The following CREB5 variants were observed in gnomAD, a reference collection of about 807,000 sequenced individuals.
The protein encoded by CREB5 is cAMP responsive element binding protein 5.
A neutral mutation model predicts 57.1 loss-of-function variants in CREB5; 19 were observed. That is an observed-to-expected ratio of 0.33 (90% confidence interval 0.23 to 0.49). The LOEUF is 0.49. CREB5 is among the 20% of genes least tolerant of loss of function. The probability of loss-of-function intolerance (pLI) is 0.99; values close to 1 mark genes in which losing one functional copy is unlikely to be tolerated. For missense variants in CREB5, 579 were observed against 671.6 expected (o/e 0.86, Z 1.52); for synonymous variants, 238 against 238.3 (o/e 1.00, Z 0.01).
At chr7:28,457,381 A>G (rs1790144242) in intron 1 of CREB5, among the ~76,000 whole-genome samples, 1 of 152,156 alleles carries the variant, frequency 6.6e-6, no homozygotes, top group African/African-American at 2.4e-5. Flanking sequence ...CAAGTGACTG[A>G]AATAAGCAGA....
At chr7:28,662,030 G>A (rs1000086327) in intron 5 of CREB5, among the ~76,000 whole-genome samples, 1 of 152,180 alleles carries the variant, frequency 6.6e-6, no homozygotes, top group African/African-American at 2.4e-5. Context: ...GTCTGTGCAT[G>A]CCAACCCCTG....
chr7:28,804,095 C>T (rs894437285), intron 7 of CREB5, 104 bp from the exon 8 acceptor site: 17 of 1,033,556 alleles, frequency 1.6e-5, no homozygotes, highest in Admixed American at 1.1e-4. Flanking sequence ...ACAATAGCAT[C>T]GTAAAATATA....
At chr7:28,608,792 A>C (rs753076365) in intron 5 of CREB5, among the ~76,000 whole-genome samples, 2 of 152,242 alleles carry the variant, frequency 1.3e-5, no homozygotes, top group Admixed American at 6.5e-5. Flanking sequence ...CCTTAGGCCA[A>C]TAAAGGCTAA....
At chr7:28,299,573 A>G (rs531768405) in intron 1 of CREB5, 1 of 152,324 alleles carries the variant, frequency 6.6e-6, no homozygotes, top group African/African-American at 2.4e-5. Context: ...CATATTGTAC[A>G]ATACAGATAT....
intron 2 of CREB5, 129 bp from the exon 3 acceptor site, chr7:28,494,773 ATGTT>A: frequency 3.2e-6 from 2 of 617,050 alleles, no homozygotes; most frequent in African/African-American, 3.8e-5. Flanking sequence ...CTTTTTCGAA[ATGTT>A]TTTTTTTTTT....
At chr7:28,583,475 T>C (rs551732904) in intron 5 of CREB5, among the ~76,000 whole-genome samples, 1 of 152,260 alleles carries the variant, frequency 6.6e-6, no homozygotes, top group East Asian at 1.9e-4. Context: ...AGAGACTTGA[T>C]GGGGATCTGT....
intron 7 of CREB5, among the ~76,000 whole-genome samples, chr7:28,745,193 A>G (rs1004492157): frequency 1.3e-5 from 2 of 152,342 alleles, no homozygotes; most frequent in East Asian, 1.9e-4. Flanking sequence ...CGCTCTTTCA[A>G]TGATGTTTTG....
At chr7:28,711,079 G>A (rs1802378105) in intron 5 of CREB5, among the ~76,000 whole-genome samples, 1 of 152,200 alleles carries the variant, frequency 6.6e-6, no homozygotes, top group Admixed American at 6.5e-5. Context: ...GTGGTCAGAG[G>A]CCAGATGGTG....
intron 1 of CREB5, among the ~76,000 whole-genome samples, chr7:28,303,229 C>T (rs1312445270): frequency 6.6e-6 from 1 of 151,970 alleles, no homozygotes; most frequent in African/African-American, 2.4e-5. Context: ...TACGATGAAC[C>T]TTATTTATTT....
intron 1 of CREB5, among the ~76,000 whole-genome samples, chr7:28,317,710 C>T (rs62449647): frequency 0.088 from 13,420 of 152,270 alleles, 736 homozygotes; most frequent in Middle Eastern, 0.22. Flanking sequence ...TAGCACAGTG[C>T]ACTGCACATT....
chr7:28,581,085 A>G (rs550790106), intron 5 of CREB5, among the ~76,000 whole-genome samples: 6 of 152,336 alleles, frequency 3.9e-5, no homozygotes, highest in Non-Finnish European at 7.3e-5. Flanking sequence ...GTTAGAGGCT[A>G]GGTTCGAAAC....
At chr7:28,584,625 T>G (rs187641988) in intron 5 of CREB5, among the ~76,000 whole-genome samples, 2 of 152,198 alleles carry the variant, frequency 1.3e-5, no homozygotes, top group African/African-American at 2.4e-5. Context: ...GACACCTTGA[T>G]TTCAGACTTC....
chr7:28,301,980 T>C (rs1218560027), intron 1 of CREB5, among the ~76,000 whole-genome samples: 1 of 152,200 alleles, frequency 6.6e-6, no homozygotes, highest in Admixed American at 6.5e-5. Context: ...GAGAGGGTGT[T>C]TTAAATGGAA....
rs115410270 is a variant in CREB5, at chr7:28,320,484, C to G, written c.-25+21043C>G. ...GAGCCTAGCTTCAAGCTCCGCTTTA[C>G]CAGGCTTCCCTTCCCCTTTGCTGAA... is the stretch of plus-strand genomic sequence containing the variant. On this transcript the variant is annotated intron_variant, in intron 1 of 9. Coordinates refer to the CREB5 transcript ENST00000396299. Among the ~76,000 whole-genome samples, 1,390 of 152,278 alleles carry G rather than the reference C, an allele frequency of 9.1e-3. 21 individuals carry two copies. The highest frequency in any genetic ancestry group is 0.032 in the African/African-American group (1,339 of 41,540).
intron 4 of CREB5, among the ~76,000 whole-genome samples, chr7:28,560,901 C>CGCGTGCGT (rs1795161557): frequency 4.6e-5 from 1 of 21,650 alleles, no homozygotes; most frequent in Admixed American, 6.1e-4. Flanking sequence ...TGTGTGCGTG[C>CGCGTGCGT]GCGCGTGCGT....
chr7:28,815,026 T>C (rs1049221702), intron 9 of CREB5, among the ~76,000 whole-genome samples: 2 of 152,200 alleles, frequency 1.3e-5, no homozygotes, highest in Non-Finnish European at 2.9e-5. Context: ...ATCCCAGCAC[T>C]TGGGGAGGCT....
intron 1 of CREB5, among the ~76,000 whole-genome samples, chr7:28,478,368 T>G (rs1182017697): frequency 6.6e-6 from 1 of 151,158 alleles, no homozygotes; most frequent in African/African-American, 2.4e-5. Context: ...ATATATATTA[T>G]ATATAAACTT....
At chr7:28,420,698 C>T (rs904226257) in intron 1 of CREB5, among the ~76,000 whole-genome samples, 17 of 151,066 alleles carry the variant, frequency 1.1e-4, no homozygotes, top group Non-Finnish European at 2.4e-4. Flanking sequence ...GTCCCAGCTA[C>T]TCGGGAGGCT....
At chr7:28,324,771 G>A (rs539501804) in intron 1 of CREB5, among the ~76,000 whole-genome samples, 2 of 152,210 alleles carry the variant, frequency 1.3e-5, no homozygotes, top group Middle Eastern at 3.4e-3. Context: ...TCATCTTCAC[G>A]TGGATGTTTG....
Sources: gnomAD v4.1 joint callset for allele counts (sites outside exome capture counted in the v4.1 genomes callset) on GRCh38, gnomAD v4.1.1 for gene constraint, MANE v1.5 for transcripts, NCBI Gene and HGNC (gene_info 2026-07-23, HGNC 2026-07-21) for gene names.